The following PLCE1 variants were observed in gnomAD, a reference collection of about 807,000 sequenced individuals.
The protein encoded by PLCE1 is 1-phosphatidylinositol 4,5-bisphosphate phosphodiesterase epsilon-1.
A neutral mutation model predicts 242.8 loss-of-function variants in PLCE1; 119 were observed. The ratio of observed to expected loss-of-function variants is 0.49; its 90% CI spans 0.42 to 0.57. The LOEUF is 0.57. Among genes scored for constraint, PLCE1 ranks in the 20% least tolerant of loss-of-function variants. PLCE1 has a pLI of 0.00. For synonymous variants in PLCE1, 945 were observed against 1,017.4 expected, an observed-to-expected ratio of 0.93 and a Z score of 1.35; for missense variants, 2,441 against 2,788.8, an observed-to-expected ratio of 0.88 and a Z score of 2.81.
At chr10:94,066,421 A>G (rs1049205630) in intron 2 of PLCE1, among the ~76,000 whole-genome samples, 4 of 152,106 alleles carry the variant, frequency 2.6e-5, no homozygotes, top group African/African-American at 9.7e-5. Context: ...AGACTACAAG[A>G]CCTATAGTCA....
At position 94,318,220 on chromosome 10, in the gene PLCE1, A is replaced by T. The variant is rs139322787; in HGVS notation, c.6342+1464A>T. Among the ~76,000 whole-genome samples, 791 of 152,328 alleles carry T rather than the reference A, an allele frequency of 5.2e-3. 10 individuals are homozygous for T. The highest frequency in any genetic ancestry group is 0.018 in the African/African-American group (728 of 41,560). On this transcript the variant is annotated intron_variant, in intron 29 of 32. Coordinates refer to ENST00000371380, the MANE Select transcript of PLCE1 (RefSeq NM_016341.4). ...CTATTAAGACACACTAATTGCTAAG[A>T]CAGAGACCAGGCAACCCTAATAATA...
intron 4 of PLCE1, among the ~76,000 whole-genome samples, chr10:94,179,083 A>C (rs1032752356): frequency 2.6e-5 from 4 of 152,222 alleles, no homozygotes; most frequent in Non-Finnish European, 5.9e-5. Flanking sequence ...TTGACAAAGC[A>C]CATCTCCCCT....
intron 1 of PLCE1, among the ~76,000 whole-genome samples, chr10:94,016,516 C>T (rs1016112187): frequency 2.0e-5 from 3 of 152,090 alleles, no homozygotes; most frequent in Non-Finnish European, 4.4e-5. Context: ...CACATGATAT[C>T]AGGTATGTCA....
At chr10:94,184,123 C>T (rs1319261974) in intron 4 of PLCE1, among the ~76,000 whole-genome samples, 1 of 152,220 alleles carries the variant, frequency 6.6e-6, no homozygotes, top group Non-Finnish European at 1.5e-5. Flanking sequence ...AACCAGCCAT[C>T]ATTGCACTTA....
chr10:94,227,261 G>A lies in PLCE1; in HGVS notation c.1810-45G>A, dbSNP rs775259709. The A allele has an allele frequency of 1.9e-5, 30 of 1,601,678 alleles. No homozygotes were observed. In the African/African-American group the frequency reaches 3.8e-4, roughly 20 times the overall value. ...TGCTTTTGGAAAAAAAAATTGCCAA[G>A]CTTCTAGGACATAATTCCCGTGAAT... On this transcript the variant is annotated intron_variant, in intron 4 of 32. Coordinates refer to ENST00000371380, the MANE Select transcript of PLCE1 (RefSeq NM_016341.4).
intron 19 of PLCE1, among the ~76,000 whole-genome samples, chr10:94,275,398 T>C (rs2051907142): frequency 6.6e-6 from 1 of 152,240 alleles, no homozygotes; most frequent in Non-Finnish European, 1.5e-5. Flanking sequence ...GTGGATATTC[T>C]TGAATTCGTC....
intron 1 of PLCE1, among the ~76,000 whole-genome samples, chr10:94,004,340 A>T (rs2060994527): frequency 6.6e-6 from 1 of 152,186 alleles, no homozygotes; most frequent in Non-Finnish European, 1.5e-5. Flanking sequence ...CTTGGTCCAA[A>T]TCATGACCTT....
chr10:94,230,395 G>T (rs183325056), intron 5 of PLCE1, among the ~76,000 whole-genome samples: 2 of 151,932 alleles, frequency 1.3e-5, no homozygotes. Context: ...TGCAATCTTC[G>T]CTCACTGCAA....
chr10:94,121,421 G>A (rs2046294615), intron 2 of PLCE1, among the ~76,000 whole-genome samples: 1 of 152,168 alleles, frequency 6.6e-6, no homozygotes, highest in African/African-American at 2.4e-5. Context: ...AGCTAGGAGG[G>A]ATGAAGGCAG....
At chr10:94,082,106 T>G (rs528731649) in intron 2 of PLCE1, 2 of 152,334 alleles carry the variant, frequency 1.3e-5, no homozygotes, top group Admixed American at 6.5e-5. Context: ...GGAGTAGATC[T>G]TCATAGTAAA....
Position 94,083,090 on chromosome 10 carries a change from A to G in PLCE1, c.1207-49084A>G, listed in dbSNP as rs1366268496. The stretch of plus-strand genomic sequence containing the variant: ...ACCAAGCTCCTGATAAGAAGGAATC[A>G]CAGAGAATTGGAGTTTGCATTCTCT... On this transcript the variant is annotated intron_variant, in intron 2 of 32. Coordinates refer to ENST00000371380, the MANE Select transcript of PLCE1 (RefSeq NM_016341.4). Among the ~76,000 whole-genome samples, 4 of 152,340 alleles carry G rather than the reference A, an allele frequency of 2.6e-5. No individual in the cohort carries two copies. The East Asian group carries it at 7.7e-4, about 29-fold the overall frequency.
chr10:94,317,037 G>A (rs1226162560), intron 29 of PLCE1, among the ~76,000 whole-genome samples: 1 of 152,086 alleles, frequency 6.6e-6, no homozygotes, highest in Non-Finnish European at 1.5e-5. Flanking sequence ...GATCACTTGA[G>A]GTCAGGAGTT....
At chr10:94,059,713 G>C (rs2043996441) in intron 2 of PLCE1, among the ~76,000 whole-genome samples, 1 of 152,082 alleles carries the variant, frequency 6.6e-6, no homozygotes, top group Non-Finnish European at 1.5e-5. Flanking sequence ...TATTGCACTG[G>C]GCAGGTACCT....
At position 94,017,890 on chromosome 10, in the gene PLCE1, A is replaced by G. The variant is rs1403909739; in HGVS notation, c.-364-12793A>G. Among the ~76,000 whole-genome samples the G allele has an allele frequency of 2.6e-5, 4 of 152,316 alleles. No individual in the cohort carries two copies. The East Asian group carries it at 5.8e-4, about 22-fold the overall frequency. ...GATCCAGACAGGAGGCAGAGCCTGA[A>G]GAAAAGAGTTGCAGAAGCTGAATCA... On this transcript the variant is annotated intron_variant, in intron 1 of 32. Transcript: ENST00000371380.
At chr10:94,177,169 G>A (rs1418037727) in intron 4 of PLCE1, among the ~76,000 whole-genome samples, 1 of 152,172 alleles carries the variant, frequency 6.6e-6, no homozygotes, top group Admixed American at 6.5e-5. Flanking sequence ...TTTGCATAAT[G>A]TTTATTCTTA....
intron 1 of PLCE1, among the ~76,000 whole-genome samples, chr10:94,028,658 T>C (rs1454969661): frequency 6.6e-6 from 1 of 152,076 alleles, no homozygotes; most frequent in Non-Finnish European, 1.5e-5. Flanking sequence ...AAGATAATAA[T>C]TGCAAAGTGG....
At chr10:94,096,824 G>T (rs1263240912) in intron 2 of PLCE1, 1 of 152,206 alleles carries the variant, frequency 6.6e-6, no homozygotes, top group African/African-American at 2.4e-5. Flanking sequence ...GCTTATAGGA[G>T]AGACATGTTT....
chr10:94,164,916 C>T (rs1237286712), intron 3 of PLCE1, among the ~76,000 whole-genome samples: 1 of 152,200 alleles, frequency 6.6e-6, no homozygotes, highest in Non-Finnish European at 1.5e-5. Flanking sequence ...ACCCTGTTTG[C>T]CTGGGTATCA....
At chr10:94,111,290 G>C (rs759948296) in intron 2 of PLCE1, among the ~76,000 whole-genome samples, 1 of 152,178 alleles carries the variant, frequency 6.6e-6, no homozygotes, top group Non-Finnish European at 1.5e-5. Flanking sequence ...AGCCCCTTGC[G>C]GGCAGAGGTG....
Sources: allele counts gnomAD v4.1 joint callset (sites outside exome capture counted in the v4.1 genomes callset), GRCh38; gene constraint gnomAD v4.1.1; transcripts MANE v1.5; gene names NCBI Gene and HGNC (gene_info 2026-07-23, HGNC 2026-07-21).